PRKCA: variants seen among roughly 807,000 people sequenced by gnomAD.
PRKCA encodes protein kinase C alpha.
A neutral mutation model predicts 87.0 loss-of-function variants in PRKCA; 27 were observed. The ratio of observed to expected loss-of-function variants is 0.31; its 90% CI spans 0.23 to 0.43. The LOEUF (loss-of-function observed/expected upper bound fraction) is 0.43, where lower values mean the gene tolerates loss of function less well. Among genes scored for constraint, PRKCA ranks in the 20% least tolerant of loss-of-function variants. PRKCA has a pLI of 1.00. For missense variants in PRKCA, 518 were observed against 852.3 expected, an observed-to-expected ratio of 0.61 and a Z score of 4.88; for synonymous variants, 329 against 311.1, an observed-to-expected ratio of 1.06 and a Z score of -0.61.
At chr17:66,501,230 A>G (rs1916716525) in intron 3 of PRKCA, among the ~76,000 whole-genome samples, 1 of 152,246 alleles carries the variant, frequency 6.6e-6, no homozygotes, top group African/African-American at 2.4e-5. Context: ...ATGCTCTTCA[A>G]GACTCAAGGA....
At chr17:66,549,508 C>T (rs1020015417) in intron 3 of PRKCA, among the ~76,000 whole-genome samples, 2 of 152,144 alleles carry the variant, frequency 1.3e-5, no homozygotes, top group African/African-American at 2.4e-5. Flanking sequence ...CTCCAGGCCA[C>T]GGGACGGGAA....
chr17:66,488,077 C>T (rs1916062560), intron 2 of PRKCA, among the ~76,000 whole-genome samples: 1 of 152,088 alleles, frequency 6.6e-6, no homozygotes, highest in African/African-American at 2.4e-5. Flanking sequence ...GTAGTTTCTC[C>T]TCTTTGAGCT....
At chr17:66,741,310 A>G (rs999370095) in intron 11 of PRKCA, among the ~76,000 whole-genome samples, 2 of 152,002 alleles carry the variant, frequency 1.3e-5, no homozygotes, top group Admixed American at 6.5e-5. Flanking sequence ...GAATAGGAAA[A>G]TGGAAATTTT....
intron 2 of PRKCA, among the ~76,000 whole-genome samples, chr17:66,401,206 C>T (rs561457868): frequency 1.3e-5 from 2 of 152,166 alleles, no homozygotes; most frequent in South Asian, 2.1e-4. Flanking sequence ...GCCATAGGAG[C>T]GCAGGTGAGG....
rs1229084236 is a variant in PRKCA at position 66,377,721 on chromosome 17, A to ATT, written c.205+71614_205+71615dup. On this transcript the variant is annotated intron_variant, in intron 2 of 16. Coordinates refer to ENST00000413366, the MANE Select transcript of PRKCA (RefSeq NM_002737.3). ...ATGTTTTATATATATATATATATAT[A>ATT]TTTTTTTTTTTTTTTTTTTTTGAGG... Among the ~76,000 whole-genome samples the ATT allele has an allele frequency of 7.0e-3, 483 of 69,120 alleles. 36 individuals are homozygous for ATT. Among genetic ancestry groups the ATT allele is most frequent in the South Asian group, 8.7e-3 (13 of 1,492 alleles). The allele number at this position is 69,120 out of a possible 152,430, so 45.3% of individuals were successfully genotyped here. A position where few individuals can be genotyped will look rare whatever the true frequency, so the allele number is the denominator to read the frequency against.
chr17:66,677,241 G>A (rs1032733681), intron 5 of PRKCA: 4 of 152,014 alleles, frequency 2.6e-5, no homozygotes, highest in Admixed American at 6.5e-5. Flanking sequence ...TGCTACACCC[G>A]GCTAATTATT....
chr17:66,340,573 A>G (rs1906988151), intron 2 of PRKCA, among the ~76,000 whole-genome samples: 1 of 151,932 alleles, frequency 6.6e-6, no homozygotes, highest in Non-Finnish European at 1.5e-5. Context: ...GCTGCTTGAC[A>G]TTTTTTTGTT....
chr17:66,450,313 T>C (rs1598682424), intron 2 of PRKCA, among the ~76,000 whole-genome samples: 2 of 152,074 alleles, frequency 1.3e-5, no homozygotes, highest in East Asian at 3.9e-4. Context: ...AGAGACACAG[T>C]CCCTCTTAGT....
chr17:66,734,525 G>A (rs1289708263), intron 9 of PRKCA, among the ~76,000 whole-genome samples: 1 of 152,160 alleles, frequency 6.6e-6, no homozygotes, highest in East Asian at 1.9e-4. Context: ...TGAGCAATGA[G>A]GGTAGCCAGA....
intron 2 of PRKCA, among the ~76,000 whole-genome samples, chr17:66,382,824 A>G (rs2143595746): frequency 6.6e-6 from 1 of 152,172 alleles, no homozygotes; most frequent in Admixed American, 6.5e-5. Context: ...AACATCCTGT[A>G]TGTACTGGAC....
In PRKCA at chr17:66,732,751, T is replaced by C; in HGVS notation, c.982T>C (p.Ser328Pro). Residue 328 changes from serine (S) to proline (P), a missense_variant, in exon 9 of 17, where the codon TCC becomes CCC. Transcript: ENST00000413366. ...ISPSEDRKQPSNNLDRVKLTD... is the reference protein window; with the variant it reads ...ISPSEDRKQPPNNLDRVKLTD... ...TCCCTCTGAAGACAGGAAACAACCT[T>C]CCAACAACCTTGACCGAGTGAAACT... The C allele has an allele frequency of 2.5e-6, 4 of 1,614,166 alleles. No individual in the cohort carries two copies. Among genetic ancestry groups the C allele is most frequent in the Non-Finnish European group, 3.4e-6 (4 of 1,180,034 alleles).
Position 66,781,622 on chromosome 17 carries a change from C to G in PRKCA, c.1606-5245C>G, listed in dbSNP as rs571618598. ...CAGGGACGTGTATCGTATCACCCCA[C>G]TTACATGAGATGCCTAGAGTAGTCA... On this transcript the variant is annotated intron_variant, in intron 14 of 16. Coordinates refer to ENST00000413366, the MANE Select transcript of PRKCA (RefSeq NM_002737.3). Among the ~76,000 whole-genome samples, 141 of 152,216 alleles carry G rather than the reference C, an allele frequency of 9.3e-4. 1 individual carries two copies. The highest frequency in any genetic ancestry group is 1.3e-3 in the Non-Finnish European group (90 of 68,024).
chr17:66,703,891 C>G (rs1314947220), intron 8 of PRKCA: 1 of 152,092 alleles, frequency 6.6e-6, no homozygotes, highest in East Asian at 1.9e-4. Context: ...TTATTATCGA[C>G]TGTGATGTAC....
chr17:66,302,887 G>A lies in PRKCA; in HGVS notation c.36G>A (p.Ala12=), dbSNP rs757577723. ...ADVFPGNDST[A]SQDVANRFAR... is the part of the protein sequence containing the mutation. ...TTTTCCCGGGCAACGACTCCACGGCGTCTCAGGACGTGGCCAACCGCTTCG... is the reference window on the plus strand; with the variant it reads ...TTTTCCCGGGCAACGACTCCACGGCATCTCAGGACGTGGCCAACCGCTTCG... Residue 12 remains alanine (A), a synonymous_variant, in exon 1 of 17, where the codon GCG becomes GCA. Coordinates refer to ENST00000413366, the MANE Select transcript of PRKCA (RefSeq NM_002737.3). 6.2e-6 allele frequency: 10 copies of A among 1,606,786 alleles called. No individual in the cohort carries two copies. Among genetic ancestry groups the A allele is most frequent in the Middle Eastern group, 1.7e-4 (1 of 6,030 alleles).
intron 3 of PRKCA, among the ~76,000 whole-genome samples, chr17:66,585,291 T>C (rs1376037030): frequency 6.6e-6 from 1 of 152,180 alleles, no homozygotes; most frequent in African/African-American, 2.4e-5. Context: ...ACCCTCCATG[T>C]TGAACACGCC....
rs541812686 is a variant in PRKCA, at chr17:66,394,006, C to T, written c.205+87879C>T. Among the ~76,000 whole-genome samples the T allele has an allele frequency of 1.1e-4, 16 of 151,882 alleles. No individual in the cohort carries two copies. The South Asian group carries it at 1.5e-3, about 14-fold the overall frequency. On this transcript the variant is annotated intron_variant, in intron 2 of 16. Transcript: ENST00000413366. ...ACGAGAATCGCTCGAACCTGGGAGGCGGAGGTTGCAGTGAACTGAGATCAC... is the reference window on the plus strand; with the variant it reads ...ACGAGAATCGCTCGAACCTGGGAGGTGGAGGTTGCAGTGAACTGAGATCAC...
chr17:66,532,990 C>T (rs1028426087), intron 3 of PRKCA, among the ~76,000 whole-genome samples: 9 of 152,196 alleles, frequency 5.9e-5, no homozygotes, highest in South Asian at 2.1e-4. Context: ...GGGGAACCCA[C>T]GGCTGGAAAA....
chr17:66,547,894 T>C (rs1381834161), intron 3 of PRKCA, among the ~76,000 whole-genome samples: 1 of 152,184 alleles, frequency 6.6e-6, no homozygotes, highest in Non-Finnish European at 1.5e-5. Flanking sequence ...CATACAAACA[T>C]CTTTTAGATA....
chr17:66,690,687 G>C (rs893113757), intron 8 of PRKCA, among the ~76,000 whole-genome samples: 7 of 151,864 alleles, frequency 4.6e-5, no homozygotes, highest in African/African-American at 1.7e-4. Flanking sequence ...AATTAGCCGG[G>C]TTTGGTGGCA....
Sources: gnomAD v4.1 joint callset for allele counts (sites outside exome capture counted in the v4.1 genomes callset) on GRCh38, gnomAD v4.1.1 for gene constraint, MANE v1.5 for transcripts, NCBI Gene and HGNC (gene_info 2026-07-23, HGNC 2026-07-21) for gene names.